Variants in CHSY3 observed in about 807,000 individuals in gnomAD.
CHSY3 encodes the protein N-acetylgalactosaminyl-proteoglycan 3-beta-glucuronosyltransferase 3.
A neutral mutation model predicts 67.2 loss-of-function variants in CHSY3; 35 were observed. The observed-to-expected ratio is 0.52, with a 90% CI of 0.40 to 0.69. The LOEUF is 0.69. Among genes scored for constraint, CHSY3 ranks in the 30% least tolerant of loss-of-function variants. CHSY3 has a pLI of 0.00. For synonymous variants in CHSY3, 474 were observed against 434.7 expected, an observed-to-expected ratio of 1.09 and a Z score of -1.12; for missense variants, 1,069 against 1,138.5, an observed-to-expected ratio of 0.94 and a Z score of 0.88.
chr5:130,057,882 T>A (rs532092394), intron 2 of CHSY3, among the ~76,000 whole-genome samples: 2 of 151,856 alleles, frequency 1.3e-5, no homozygotes, highest in Non-Finnish European at 2.9e-5. Flanking sequence ...ACTGCCTATG[T>A]CAACACATAC....
intron 2 of CHSY3, among the ~76,000 whole-genome samples, chr5:130,175,178 G>T (rs1330806246): frequency 6.6e-6 from 1 of 152,028 alleles, no homozygotes; most frequent in African/African-American, 2.4e-5. Context: ...CAAAATCAAT[G>T]TGCAAAAATC....
intron 2 of CHSY3, among the ~76,000 whole-genome samples, chr5:130,051,795 A>T (rs2149671758): frequency 6.6e-6 from 1 of 152,218 alleles, no homozygotes; most frequent in East Asian, 1.9e-4. Context: ...AAATTGTGGA[A>T]ATTGTGAATG....
chr5:130,184,351 C>T lies in CHSY3; in HGVS notation c.1209C>T (p.Tyr403=). 6.2e-7 allele frequency: 1 copy of T among 1,614,136 alleles called. No homozygotes were observed. The highest frequency in any genetic ancestry group is 8.5e-7 in the Non-Finnish European group (1 of 1,179,976). ...CCAACAAAAGGCCTGCATACCAATA[C>T]AGGCTGCATAATTACATGCTCAGCC... The part of the protein sequence containing the change: ...LHPNKRPAYQ[Y]RLHNYMLSRK... The change falls in exon 3 of 3, where the codon TAC becomes TAT. Residue 403 remains tyrosine, a synonymous_variant. Coordinates refer to ENST00000305031, the MANE Select transcript of CHSY3 (RefSeq NM_175856.5).
chr5:130,048,687 T>G (rs1765229798), intron 2 of CHSY3, among the ~76,000 whole-genome samples: 1 of 151,968 alleles, frequency 6.6e-6, no homozygotes. Flanking sequence ...CTCTCTATAT[T>G]TTTTCTTTTT....
chr5:130,179,481 G>A (rs954543732), intron 2 of CHSY3, among the ~76,000 whole-genome samples: 42 of 151,930 alleles, frequency 2.8e-4, no homozygotes, highest in African/African-American at 9.9e-4. Context: ...TTTCCACAGT[G>A]CCTATTTTTT....
At chr5:130,092,453 T>G (rs141343479) in intron 2 of CHSY3, among the ~76,000 whole-genome samples, 3 of 152,232 alleles carry the variant, frequency 2.0e-5, no homozygotes, top group African/African-American at 7.2e-5. Flanking sequence ...CTTTATAAAA[T>G]ACTTAGAGCT....
chr5:130,147,475 C>T (rs1561559045), intron 2 of CHSY3, among the ~76,000 whole-genome samples: 1 of 152,118 alleles, frequency 6.6e-6, no homozygotes, highest in Non-Finnish European at 1.5e-5. Context: ...CAGAAAATGA[C>T]GTTCCTTTTA....
At chr5:130,117,032 G>A (rs1421253266) in intron 2 of CHSY3, among the ~76,000 whole-genome samples, 8 of 152,160 alleles carry the variant, frequency 5.3e-5, no homozygotes, top group Non-Finnish European at 8.8e-5. Flanking sequence ...TTCTTGCAGT[G>A]TATCCTTTCA....
chr5:130,118,865 C>T (rs778935043), intron 2 of CHSY3, among the ~76,000 whole-genome samples: 1 of 152,034 alleles, frequency 6.6e-6, no homozygotes, highest in Non-Finnish European at 1.5e-5. Flanking sequence ...ATAATTCTGC[C>T]AAATTTTCCT....
chr5:130,004,114 A>G (rs1378327889), intron 2 of CHSY3, among the ~76,000 whole-genome samples: 2 of 152,192 alleles, frequency 1.3e-5, no homozygotes, highest in Non-Finnish European at 2.9e-5. Flanking sequence ...ACTTGCTTTA[A>G]AATATTCACA....
intron 2 of CHSY3, among the ~76,000 whole-genome samples, chr5:130,078,255 C>T (rs1180007792): frequency 6.6e-6 from 1 of 152,076 alleles, no homozygotes; most frequent in African/African-American, 2.4e-5. Context: ...CTCCGCCAGC[C>T]TACCCACTTG....
intron 2 of CHSY3, among the ~76,000 whole-genome samples, chr5:130,060,758 A>G (rs1333914234): frequency 1.3e-5 from 2 of 152,166 alleles, no homozygotes; most frequent in East Asian, 1.9e-4. Context: ...GCATTTCCAT[A>G]TACTGATAAC....
intron 2 of CHSY3, among the ~76,000 whole-genome samples, chr5:130,150,592 A>G (rs1305185790): frequency 6.6e-6 from 1 of 152,164 alleles, no homozygotes; most frequent in African/African-American, 2.4e-5. Flanking sequence ...TAAAAATTTT[A>G]TGATTATATG....
intron 2 of CHSY3, among the ~76,000 whole-genome samples, chr5:130,092,924 G>A (rs950277635): frequency 1.3e-5 from 2 of 152,270 alleles, no homozygotes; most frequent in African/African-American, 4.8e-5. Context: ...TAACAGCCAA[G>A]GTGTCTGGCA....
At chr5:130,067,704 A>G (rs1166449405) in intron 2 of CHSY3, among the ~76,000 whole-genome samples, 1 of 152,124 alleles carries the variant, frequency 6.6e-6, no homozygotes, top group African/African-American at 2.4e-5. Flanking sequence ...TTAGAACAAG[A>G]AGGTGAAAGG....
At chr5:130,183,542 A>T (rs1369639375) in intron 2 of CHSY3, among the ~76,000 whole-genome samples, 1 of 152,150 alleles carries the variant, frequency 6.6e-6, no homozygotes, top group African/African-American at 2.4e-5. Context: ...TGGAAGACTC[A>T]TGCTGTGTCC....
intron 2 of CHSY3, among the ~76,000 whole-genome samples, chr5:130,074,936 T>C (rs1328331505): frequency 1.3e-5 from 2 of 152,126 alleles, no homozygotes; most frequent in African/African-American, 4.8e-5. Context: ...TTCAGACAAG[T>C]TACCCCTTGT....
At position 130,157,453 on chromosome 5, in the gene CHSY3, G is replaced by A. The variant is rs148833235; in HGVS notation, c.1087-26776G>A. ...TGACCCAAGCTATCTATAACATGAA[G>A]ACATGTCATATGGAAGAAGGAATAA... On this transcript the variant is annotated intron_variant, in intron 2 of 2. Coordinates refer to ENST00000305031, the MANE Select transcript of CHSY3 (RefSeq NM_175856.5). Among the ~76,000 whole-genome samples the A allele has an allele frequency of 2.0e-4, 30 of 152,322 alleles. No homozygotes were observed. In the East Asian group the frequency reaches 5.6e-3, roughly 28 times the overall value.
At chr5:130,181,584 G>A (rs1156910567) in intron 2 of CHSY3, among the ~76,000 whole-genome samples, 1 of 152,104 alleles carries the variant, frequency 6.6e-6, no homozygotes, top group Non-Finnish European at 1.5e-5. Flanking sequence ...ATTAATTGGA[G>A]TATAGCAGAT....
Sources: gnomAD v4.1 joint callset for allele counts (sites outside exome capture counted in the v4.1 genomes callset) on GRCh38, gnomAD v4.1.1 for gene constraint, MANE v1.5 for transcripts, NCBI Gene and HGNC (gene_info 2026-07-23, HGNC 2026-07-21) for gene names.